Variants in SLC4A5 observed in about 807,000 individuals in gnomAD.
SLC4A5 encodes electrogenic sodium bicarbonate cotransporter 4.
A neutral mutation model predicts 120.4 loss-of-function variants in SLC4A5; 96 were observed. The observed-to-expected ratio is 0.80, with a 90% CI of 0.68 to 0.94. SLC4A5 has a LOEUF of 0.94. SLC4A5 is among the 40% of genes least tolerant of loss of function. The probability of loss-of-function intolerance (pLI) is 0.00; values close to 1 mark genes in which losing one functional copy is unlikely to be tolerated. For missense variants in SLC4A5, 1,259 were observed against 1,459.5 expected, an observed-to-expected ratio of 0.86 and a Z score of 2.24; for synonymous variants, 550 against 571.1, an observed-to-expected ratio of 0.96 and a Z score of 0.53.
chr2:74,340,498 A>G (rs995945938), intron 2 of SLC4A5, among the ~76,000 whole-genome samples: 1 of 152,164 alleles, frequency 6.6e-6, no homozygotes, highest in South Asian at 2.1e-4. Flanking sequence ...AGAAATGGGC[A>G]GGAAAGAGAT....
At chr2:74,234,862 C>T (rs1305420268) in intron 22 of SLC4A5, among the ~76,000 whole-genome samples, 1 of 152,186 alleles carries the variant, frequency 6.6e-6, no homozygotes, top group African/African-American at 2.4e-5. Flanking sequence ...AGGGTGAATT[C>T]CAGTGCCTTC....
chr2:74,286,037 G>A, intron 7 of SLC4A5, 135 bp from the exon 8 acceptor site: 1 of 976,298 alleles, frequency 1.0e-6, no homozygotes, highest in African/African-American at 1.7e-5. Flanking sequence ...TCCAGCTCCT[G>A]GGTGATGCTG....
chr2:74,317,244 T>C (rs375295954), intron 5 of SLC4A5, among the ~76,000 whole-genome samples: 8 of 152,204 alleles, frequency 5.3e-5, no homozygotes, highest in Non-Finnish European at 1.2e-4. Context: ...TCCAAATGCA[T>C]AGATCATGTG....
At chr2:74,333,212 A>G (rs1558918653) in intron 4 of SLC4A5, among the ~76,000 whole-genome samples, 1 of 152,316 alleles carries the variant, frequency 6.6e-6, no homozygotes, top group East Asian at 1.9e-4. Flanking sequence ...CTAACGTCCT[A>G]CAAGGATGGC....
chr2:74,261,255 G>T (rs1671125863), intron 11 of SLC4A5, among the ~76,000 whole-genome samples: 2 of 152,216 alleles, frequency 1.3e-5, no homozygotes, highest in African/African-American at 4.8e-5. Flanking sequence ...ATAACTGAGT[G>T]GAAGGTCTTC....
At chr2:74,256,648 C>T (rs899003755) in intron 12 of SLC4A5, among the ~76,000 whole-genome samples, 1 of 152,336 alleles carries the variant, frequency 6.6e-6, no homozygotes, top group Admixed American at 6.5e-5. Context: ...GAGACAAGCC[C>T]TCCACCCAAA....
In SLC4A5 at chr2:74,255,001, A is replaced by G. The variant is rs755464504; in HGVS notation, c.1026-295T>C. ...AGCCCGGCTAATTTTTTGTATTTTC[A>G]GTAGATACAGGGTTTCACCATGCTG... On this transcript the variant is annotated intron_variant, in intron 13 of 30. Transcript: ENST00000394019. This position sits in a 1 kb window ranked among gnomAD's most constrained non-coding sequence, Gnocchi z 4.0. Among the ~76,000 whole-genome samples the G allele has an allele frequency of 2.0e-5, 3 of 151,700 alleles. No homozygotes were observed. Among genetic ancestry groups the G allele is most frequent in the Non-Finnish European group, 4.4e-5 (3 of 67,942 alleles).
intron 10 of SLC4A5, 105 bp downstream of exon 10, chr2:74,264,042 G>A: frequency 1.4e-6 from 2 of 1,425,916 alleles, no homozygotes; most frequent in South Asian, 1.4e-5. Context: ...CAGAACATCA[G>A]AATTTCTCCA....
chr2:74,240,971 T>A (rs1670421964), intron 20 of SLC4A5, among the ~76,000 whole-genome samples: 1 of 152,114 alleles, frequency 6.6e-6, no homozygotes, highest in African/African-American at 2.4e-5. Flanking sequence ...CCACTTAGGC[T>A]GGGATGCTGG....
At position 74,247,030 on chromosome 2, in the gene SLC4A5, G is replaced by T; in HGVS notation, c.2059+6C>A. 6.2e-7 allele frequency: 1 copy of T among 1,613,000 alleles called. No individual in the cohort carries two copies. Among genetic ancestry groups the T allele is most frequent in the Non-Finnish European group, 8.5e-7 (1 of 1,179,236 alleles). Reference sequence around the variant, plus strand: ...GGCCCACGGCATGTCTGGGGTTACCGGTCACCTGTGTCAGGGGCGACACAC... The same window carrying T: ...GGCCCACGGCATGTCTGGGGTTACCTGTCACCTGTGTCAGGGGCGACACAC... On this transcript the variant is annotated splice_donor_region_variant and intron_variant, in intron 19 of 30. Coordinates refer to ENST00000394019, the Ensembl canonical transcript of SLC4A5.
intron 8 of SLC4A5, among the ~76,000 whole-genome samples, chr2:74,267,703 C>T (rs1478893450): frequency 6.6e-5 from 10 of 152,188 alleles, no homozygotes; most frequent in Admixed American, 6.5e-4. Context: ...AGCAAGAGTG[C>T]AGTCTGGTTA....
chr2:74,320,049 T>A (rs1673058290), intron 5 of SLC4A5, among the ~76,000 whole-genome samples: 1 of 151,910 alleles, frequency 6.6e-6, no homozygotes, highest in African/African-American at 2.4e-5. Context: ...AGAAGAAAAT[T>A]TTCAATAAAA....
Position 74,235,230 on chromosome 2 carries a change from G to A in SLC4A5, c.2320-16C>T, listed in dbSNP as rs372732885. 4.1e-5 allele frequency: 66 copies of A among 1,605,232 alleles called. No homozygotes were observed. The highest frequency in any genetic ancestry group is 5.5e-5 in the Non-Finnish European group (64 of 1,173,258). Reference sequence around the variant, plus strand: ...GGGCCCGGACCTGCAGACAGGAGATGAGCAAGTAAAAGAAGTGAGTAAAGC... The same window carrying A: ...GGGCCCGGACCTGCAGACAGGAGATAAGCAAGTAAAAGAAGTGAGTAAAGC... On this transcript the variant is annotated splice_polypyrimidine_tract_variant and intron_variant, in intron 21 of 30. Coordinates refer to ENST00000394019, the Ensembl canonical transcript of SLC4A5.
chr2:74,296,597 C>T (rs1328320563), intron 7 of SLC4A5, among the ~76,000 whole-genome samples: 1 of 145,794 alleles, frequency 6.9e-6, no homozygotes, highest in Non-Finnish European at 1.5e-5. Flanking sequence ...CATGGTGAAA[C>T]CCGTCTCTAC....
At chr2:74,313,351 G>A (rs1007743054) in intron 6 of SLC4A5, among the ~76,000 whole-genome samples, 1 of 152,182 alleles carries the variant, frequency 6.6e-6, no homozygotes, top group Non-Finnish European at 1.5e-5. Flanking sequence ...TTTCTCAGCT[G>A]AACTATGGAG....
chr2:74,256,839 CG>C (rs1670980802), intron 12 of SLC4A5, among the ~76,000 whole-genome samples: 1 of 152,130 alleles, frequency 6.6e-6, no homozygotes, highest in South Asian at 2.1e-4. Context: ...ATAATTTTGT[CG>C]GAAGATGGAG....
chr2:74,309,021 C>T (rs1672731306), intron 6 of SLC4A5, among the ~76,000 whole-genome samples: 1 of 151,418 alleles, frequency 6.6e-6, no homozygotes, highest in Admixed American at 6.6e-5. Context: ...CTCAAGCAAT[C>T]CTCCCACCTC....
intron 7 of SLC4A5, among the ~76,000 whole-genome samples, chr2:74,286,346 T>C (rs769529887): frequency 6.6e-6 from 1 of 152,130 alleles, no homozygotes; most frequent in African/African-American, 2.4e-5. Context: ...TTGCACACCC[T>C]TGTACCATGT....
intron 3 of SLC4A5, among the ~76,000 whole-genome samples, chr2:74,338,433 G>A (rs1437842649): frequency 6.6e-6 from 1 of 152,158 alleles, no homozygotes; most frequent in Non-Finnish European, 1.5e-5. Context: ...GAGAGAGGAG[G>A]GCAATGGGCC....
Sources: allele counts gnomAD v4.1 joint callset (sites outside exome capture counted in the v4.1 genomes callset), GRCh38; gene constraint gnomAD v4.1.1; non-coding constraint Gnocchi (gnomAD v3.1); transcripts MANE v1.5; gene names NCBI Gene and HGNC (gene_info 2026-07-23, HGNC 2026-07-21).